Variants in NIBAN3 observed in about 807,000 individuals in gnomAD.
The protein encoded by NIBAN3 is protein Niban 3.
In NIBAN3, 66 loss-of-function variants were observed where a neutral mutation model predicts 76.4. That is an observed-to-expected ratio of 0.86 (90% CI 0.71 to 1.06). NIBAN3 has a LOEUF of 1.06. NIBAN3 is among the 50% of genes least tolerant of loss of function. NIBAN3 has a pLI of 0.00. For missense variants in NIBAN3, 808 were observed against 810.7 expected (o/e 1.00, Z 0.04); for synonymous variants, 360 against 355.2 (o/e 1.01, Z -0.15).
chr19:17,542,680 C>T lies in NIBAN3; in HGVS notation c.1329+386C>T, dbSNP rs536758326. 2.6e-5 allele frequency among the ~76,000 whole-genome samples: 4 copies of T among 152,266 alleles called. No homozygotes were observed. The highest frequency in any genetic ancestry group is 1.9e-4 in the East Asian group (1 of 5,180). ...GGGGAAGATAGGCCGGCGACATGGACGGGCAGATCGCGCAGTGCCTTGAGC... is the reference window on the plus strand; with the variant it reads ...GGGGAAGATAGGCCGGCGACATGGATGGGCAGATCGCGCAGTGCCTTGAGC... On this transcript the variant is annotated intron_variant, in intron 10 of 14. Coordinates refer to ENST00000599164, the MANE Select transcript of NIBAN3 (RefSeq NM_001321827.2). The surrounding 1 kb of genome is among the most constrained non-coding windows in gnomAD (Gnocchi z 4.8).
In NIBAN3 at chr19:17,552,699, G is replaced by C. The variant is rs1321072043; in HGVS notation, c.*801G>C. On this transcript the variant is annotated 3_prime_UTR_variant, in exon 15 of 15. Coordinates refer to ENST00000599164, the MANE Select transcript of NIBAN3 (RefSeq NM_001321827.2). The stretch of plus-strand genomic sequence containing the variant: ...TAATCCCAGCACTTTGGGAGGCTGA[G>C]GCGGGCAGATCACTTGAGCTCAGGA... 2 of 152,060 alleles carry C rather than the reference G, an allele frequency of 1.3e-5. No homozygotes were observed. Among genetic ancestry groups the C allele is most frequent in the African/African-American group, 4.8e-5 (2 of 41,404 alleles). 9.4% of individuals were successfully genotyped at this position (152,060 alleles called of 1,614,324 possible).
At chr19:17,529,115 G>T (rs181307366) in intron 1 of NIBAN3, among the ~76,000 whole-genome samples, 36 of 152,270 alleles carry the variant, frequency 2.4e-4, no homozygotes, top group Admixed American at 1.6e-3. Flanking sequence ...TCCCTCATTT[G>T]CTGTGTGCCC....
At position 17,527,359 on chromosome 19, in the gene NIBAN3, A is replaced by C. The variant is rs1229280096; in HGVS notation, c.19A>C (p.Ser7Arg). The change falls in exon 1 of 15, where the codon AGC becomes CGC. Residue 7 changes from serine to arginine, a missense_variant. Transcript: ENST00000599164. ...CAGCAGCATGGGTGGGCGGCCTTCG[A>C]GCCCTCTGGACAAGCAGCAGCGGCA... is the stretch of plus-strand genomic sequence containing the variant. MGGRPS[S>R]PLDKQQRQHL... The C allele has an allele frequency of 2.0e-6, 3 of 1,535,050 alleles. No homozygotes were observed. Among genetic ancestry groups the C allele is most frequent in the Non-Finnish European group, 2.6e-6 (3 of 1,138,912 alleles).
intron 4 of NIBAN3, among the ~76,000 whole-genome samples, chr19:17,536,855 G>A (rs1020030003): frequency 1.3e-5 from 2 of 152,162 alleles, no homozygotes. Context: ...AGCTTGGCCA[G>A]GCTGGGCACA....
At position 17,539,239 on chromosome 19, in the gene NIBAN3, G is replaced by C. The variant is rs770088926; in HGVS notation, c.685G>C (p.Asp229His). 1.2e-4 allele frequency: 186 copies of C among 1,607,566 alleles called. No individual in the cohort carries two copies. The highest frequency in any genetic ancestry group is 1.5e-4 in the Non-Finnish European group (178 of 1,177,450). ...GCACCAAGGCCACTTTGGCGACGAC[G>C]ACGTGACCCTAGGCTCAGACGCCGA... Reference protein sequence around the residue: ...RQHQGHFGDDDVTLGSDAEVL... With the variant: ...RQHQGHFGDDHVTLGSDAEVL... Residue 229 changes from aspartate to histidine, a missense_variant, in exon 6 of 15, where the codon GAC becomes CAC. By Grantham distance (81) the Asp-to-His change is moderately conservative. Transcript: ENST00000599164.
At position 17,540,575 on chromosome 19, in the gene NIBAN3, G is replaced by T. The variant is rs764169202; in HGVS notation, c.1163G>T (p.Arg388Leu). ...LRQSPSGTRL[R>L]REVYSFGEMP... ...CAGAGCCCCTCAGGCACGCGGCTGC[G>T]CAGGGAGGTGAGCTCCCGTGGGTAG... The change falls in exon 9 of 15, where the codon CGC becomes CTC. Residue 388 changes from arginine to leucine, a missense_variant. Transcript: ENST00000599164. 8.6e-6 allele frequency: 13 copies of T among 1,508,686 alleles called. No homozygotes were observed. Among genetic ancestry groups the T allele is most frequent in the Non-Finnish European group, 1.2e-5 (13 of 1,125,504 alleles). The allele number at this position is 1,508,686 out of a possible 1,614,324, so 93.5% of individuals were successfully genotyped here.
intron 9 of NIBAN3, 133 bp downstream of exon 9, chr19:17,540,715 T>C (rs2075933697): frequency 1.6e-6 from 1 of 617,672 alleles, no homozygotes; most frequent in Non-Finnish European, 2.5e-6. Context: ...CATGCTATGG[T>C]CAGTGGAGCA....
upstream of NIBAN3, among the ~76,000 whole-genome samples, chr19:17,523,693 C>T (rs1243704865): frequency 1.3e-5 from 2 of 152,150 alleles, no homozygotes; most frequent in Non-Finnish European, 2.9e-5. Context: ...TTCACCCTTC[C>T]CACAAGGCTC....
chr19:17,528,276 G>A (rs2075646647), intron 1 of NIBAN3, among the ~76,000 whole-genome samples: 1 of 151,988 alleles, frequency 6.6e-6, no homozygotes. Context: ...ATTTTTAGTA[G>A]AGATGGGGTT....
At chr19:17,523,910 A>G (rs1158950473), upstream of NIBAN3, among the ~76,000 whole-genome samples, 1 of 151,226 alleles carries the variant, frequency 6.6e-6, no homozygotes, top group African/African-American at 2.4e-5. Flanking sequence ...TTTTGGGGGG[A>G]CACGGTCTTG....
At chr19:17,534,257 A>G (rs569883433) in intron 4 of NIBAN3, among the ~76,000 whole-genome samples, 8 of 152,246 alleles carry the variant, frequency 5.3e-5, no homozygotes, top group South Asian at 4.1e-4. Flanking sequence ...GCTCATGCCT[A>G]TAATCCCACC....
chr19:17,539,752 G>A lies in NIBAN3; in HGVS notation c.966G>A (p.Ala322=). ...TGCTGCGGCAGCGGGCGCGTGTGGCGGGGCGGCTGAGGAGTGAGGCCCTGG... is the reference window on the plus strand; with the variant it reads ...TGCTGCGGCAGCGGGCGCGTGTGGCAGGGCGGCTGAGGAGTGAGGCCCTGG... ...DQLLRQRARV[A]GRLRTDIRGP... The change falls in exon 8 of 15, where the codon GCG becomes GCA. Residue 322 remains alanine (A), a synonymous_variant. Transcript: ENST00000599164. 2 of 1,534,402 alleles carry A rather than the reference G, an allele frequency of 1.3e-6. No individual in the cohort carries two copies. Among genetic ancestry groups the A allele is most frequent in the African/African-American group, 1.4e-5 (1 of 73,072 alleles).
Position 17,543,600 on chromosome 19 carries a change from T to C in NIBAN3, c.1523T>C (p.Val508Ala), listed in dbSNP as rs2075996371. 25 of 1,614,044 alleles carry C rather than the reference T, an allele frequency of 1.5e-5. No homozygotes were observed. The highest frequency in any genetic ancestry group is 2.1e-5 in the Non-Finnish European group (25 of 1,179,960). ...GWGLCIFLPFVLSQLEPGCKK... is the reference protein window; with the variant it reads ...GWGLCIFLPFALSQLEPGCKK... ...GGTCTCTGCATCTTTTTACCTTTTG[T>C]GCTGAGCCAACTCGAGCCAGGCTGC... Residue 508 changes from valine (V) to alanine (A), a missense_variant, in exon 12 of 15, where the codon GTG becomes GCG. Coordinates refer to ENST00000599164, the MANE Select transcript of NIBAN3 (RefSeq NM_001321827.2).
At chr19:17,526,185 C>T (rs62126814), upstream of NIBAN3, among the ~76,000 whole-genome samples, 1,868 of 151,454 alleles carry the variant, frequency 0.012, 21 homozygotes, top group Middle Eastern at 0.028. Flanking sequence ...TGGTGGCGGG[C>T]GCCTGTAATC....
chr19:17,554,157 A>G (rs1441413949), downstream of NIBAN3, among the ~76,000 whole-genome samples: 1 of 152,088 alleles, frequency 6.6e-6, no homozygotes, highest in Non-Finnish European at 1.5e-5. Flanking sequence ...TACAGGCGTG[A>G]GCCACTGCAC....
At chr19:17,527,184 T>C, upstream of NIBAN3, 1 of 1,523,344 alleles carries the variant, frequency 6.6e-7, no homozygotes. Flanking sequence ...CCCAGGGGAG[T>C]GGGGAGGACG....
intron 10 of NIBAN3, 75 bp from the exon 11 acceptor site, chr19:17,543,242 G>A (rs1196266419): frequency 2.1e-6 from 2 of 931,976 alleles, no homozygotes; most frequent in African/African-American, 1.7e-5. Context: ...GCTGAGAAGG[G>A]GTCAGCTGGG....
At position 17,546,682 on chromosome 19, in the gene NIBAN3, C is replaced by A; in HGVS notation, c.1555-4C>A. 6.4e-7 allele frequency: 1 copy of A among 1,558,084 alleles called. No homozygotes were observed. The highest frequency in any genetic ancestry group is 8.7e-7 in the Non-Finnish European group (1 of 1,152,196). On this transcript the variant is annotated splice_polypyrimidine_tract_variant and splice_region_variant and intron_variant, in intron 12 of 14. Coordinates refer to ENST00000599164, the MANE Select transcript of NIBAN3 (RefSeq NM_001321827.2). ...TCCGAGCCCCTAACCCGCCATGGTT[C>A]CAGGAGCTGCCTGAGTTCGAGGGGG...
intron 14 of NIBAN3, chr19:17,549,828 T>C (rs1158864278): frequency 3.1e-5 from 14 of 448,106 alleles, no homozygotes; most frequent in East Asian, 2.0e-4. Context: ...CTCTCTCTCT[T>C]TTTTTTTTTT....
Sources: allele counts gnomAD v4.1 joint callset (sites outside exome capture counted in the v4.1 genomes callset), GRCh38; gene constraint gnomAD v4.1.1; non-coding constraint Gnocchi (gnomAD v3.1); transcripts MANE v1.5; gene names NCBI Gene and HGNC (gene_info 2026-07-23, HGNC 2026-07-21).